KCTD8: variants seen among roughly 807,000 people sequenced by gnomAD.
KCTD8 encodes the protein potassium channel tetramerization domain containing 8.
KCTD8 carries 27 observed loss-of-function variants against 31.5 expected under a neutral mutation model. The ratio of observed to expected loss-of-function variants is 0.86; its 90% confidence interval spans 0.63 to 1.18. The LOEUF (loss-of-function observed/expected upper bound fraction) is 1.18. Among genes scored for constraint, KCTD8 ranks in the 50% most tolerant of loss-of-function variants. The probability of loss-of-function intolerance (pLI) is 0.00; values close to 1 mark genes in which losing one functional copy is unlikely to be tolerated. For missense variants in KCTD8, 658 were observed against 647.7 expected (o/e 1.02, Z -0.17); for synonymous variants, 290 against 280.0 (o/e 1.04, Z -0.36).
Position 44,175,099 on chromosome 4 carries a change from G to T in KCTD8, c.1113C>A (p.Asp371Glu). Reference protein sequence around the residue: ...DSHSEASTPQDNPSSAQQATA... With the variant: ...DSHSEASTPQENPSSAQQATA... ...TTGCCTGCTGGGCACTGGATGGGTT[G>T]TCCTGGGGAGTGCTTGCCTCTGAAT... is the stretch of plus-strand genomic sequence containing the variant. Residue 371 changes from aspartate (D) to glutamate (E), a missense_variant, in exon 2 of 2, where the codon GAC (aspartate) becomes GAA (glutamate). Coordinates refer to ENST00000360029, the MANE Select transcript of KCTD8 (RefSeq NM_198353.3). The T allele has an allele frequency of 1.2e-6, 2 of 1,614,064 alleles. No individual in the cohort carries two copies. Among genetic ancestry groups the T allele is most frequent in the Non-Finnish European group, 1.7e-6 (2 of 1,179,988 alleles).
At chr4:44,368,336 G>C (rs190658319) in intron 1 of KCTD8, among the ~76,000 whole-genome samples, 1 of 152,166 alleles carries the variant, frequency 6.6e-6, no homozygotes, top group Admixed American at 6.5e-5. Context: ...AGTGAGCCCA[G>C]ACTGCACCAT....
chr4:44,190,092 C>T (rs924773040), intron 1 of KCTD8, among the ~76,000 whole-genome samples: 4 of 152,178 alleles, frequency 2.6e-5, no homozygotes. Context: ...GAAATCCTTT[C>T]ATCTCTAATC....
intron 1 of KCTD8, among the ~76,000 whole-genome samples, chr4:44,221,933 G>T (rs1025577372): frequency 1.1e-4 from 16 of 152,090 alleles, no homozygotes; most frequent in Non-Finnish European, 1.3e-4. Context: ...TTGACACTCA[G>T]TATTAACCAT....
intron 1 of KCTD8, among the ~76,000 whole-genome samples, chr4:44,375,243 G>A (rs1389349409): frequency 6.6e-6 from 1 of 152,134 alleles, no homozygotes; most frequent in African/African-American, 2.4e-5. Flanking sequence ...CTGGGAGTGT[G>A]AGGTAAGAAA....
At chr4:44,353,176 T>C (rs1483571704) in intron 1 of KCTD8, among the ~76,000 whole-genome samples, 1 of 152,122 alleles carries the variant, frequency 6.6e-6, no homozygotes, top group Non-Finnish European at 1.5e-5. Flanking sequence ...AGGTTTTGTG[T>C]CTTCCAGAAT....
intron 1 of KCTD8, among the ~76,000 whole-genome samples, chr4:44,176,240 GT>G (rs1174538100): frequency 6.6e-6 from 1 of 152,204 alleles, no homozygotes; most frequent in Admixed American, 6.5e-5. Context: ...AGGCATCAGT[GT>G]TTTTAAACAA....
chr4:44,297,446 C>CT (rs1282235062), intron 1 of KCTD8, among the ~76,000 whole-genome samples: 1 of 151,832 alleles, frequency 6.6e-6, no homozygotes, highest in Admixed American at 6.6e-5. Flanking sequence ...CTTATGAGAT[C>CT]TTTTTTCTCT....
chr4:44,270,170 A>G (rs1031649489), intron 1 of KCTD8, among the ~76,000 whole-genome samples: 6 of 152,272 alleles, frequency 3.9e-5, no homozygotes, highest in Middle Eastern at 3.4e-3. Context: ...GACTGGATTA[A>G]GAAAATGTGG....
intron 1 of KCTD8, among the ~76,000 whole-genome samples, chr4:44,425,680 G>C (rs16856910): frequency 0.13 from 19,965 of 151,854 alleles, 2,644 homozygotes; most frequent in African/African-American, 0.33. Context: ...GCACAAGATG[G>C]GTGAATACTG....
intron 1 of KCTD8, among the ~76,000 whole-genome samples, chr4:44,243,151 CAGAA>C (rs1359088023): frequency 6.6e-6 from 1 of 152,036 alleles, no homozygotes; most frequent in Non-Finnish European, 1.5e-5. Context: ...TGATGAAAGA[CAGAA>C]AGGAATAATT....
At position 44,448,660 on chromosome 4, in the gene KCTD8, C is replaced by A; in HGVS notation, c.-137G>T. 4 of 971,430 alleles carry A rather than the reference C, an allele frequency of 4.1e-6. No homozygotes were observed. Among genetic ancestry groups the A allele is most frequent in the Non-Finnish European group, 5.4e-6 (4 of 745,346 alleles). The allele number at this position is 971,430 out of a possible 1,614,324, so 60.2% of individuals were successfully genotyped here. Reference sequence around the variant, plus strand: ...GCGCGTTCCTCCGACCGGGGCGGCCCCGCTCAGGGTTCGGGGCAGCGGCGG... The same window carrying A: ...GCGCGTTCCTCCGACCGGGGCGGCCACGCTCAGGGTTCGGGGCAGCGGCGG... On this transcript the variant is annotated 5_prime_UTR_variant, in exon 1 of 2. Transcript: ENST00000360029. This position sits in a 1 kb window ranked among gnomAD's most constrained non-coding sequence, Gnocchi z 4.1.
chr4:44,427,714 C>G (rs1485045040), intron 1 of KCTD8, among the ~76,000 whole-genome samples: 2 of 151,438 alleles, frequency 1.3e-5, no homozygotes, highest in Non-Finnish European at 3.0e-5. Flanking sequence ...CAAAATGAAA[C>G]AAAGTAGAGA....
intron 1 of KCTD8, among the ~76,000 whole-genome samples, chr4:44,187,276 A>G (rs1475216205): frequency 6.6e-6 from 1 of 152,204 alleles, no homozygotes; most frequent in Admixed American, 6.5e-5. Flanking sequence ...TTAGGTGTTC[A>G]TTTGTCCTCT....
At chr4:44,194,761 C>T (rs1216491898) in intron 1 of KCTD8, among the ~76,000 whole-genome samples, 1 of 77,602 alleles carries the variant, frequency 1.3e-5, no homozygotes, top group Admixed American at 1.2e-4. Flanking sequence ...CCCTCCCTCC[C>T]TCCCTCCCAC....
At chr4:44,195,856 A>C (rs1380273135) in intron 1 of KCTD8, among the ~76,000 whole-genome samples, 2 of 152,230 alleles carry the variant, frequency 1.3e-5, no homozygotes, top group Non-Finnish European at 2.9e-5. Context: ...GATGCTGGTT[A>C]ATTCTATTGG....
intron 1 of KCTD8, among the ~76,000 whole-genome samples, chr4:44,320,170 CAAAAAAAAA>C (rs35250421): frequency 4.1e-4 from 13 of 31,918 alleles, no homozygotes; most frequent in Admixed American, 8.9e-4. Context: ...GCCTCCATCT[CAAAAAAAAA>C]AAAAAAAAAA....
chr4:44,271,606 C>A (rs751497899), intron 1 of KCTD8, among the ~76,000 whole-genome samples: 16 of 152,090 alleles, frequency 1.1e-4, no homozygotes, highest in Non-Finnish European at 1.9e-4. Flanking sequence ...GGAATGAGGG[C>A]AAGGAACACC....
chr4:44,445,548 A>C (rs890419574), intron 1 of KCTD8, among the ~76,000 whole-genome samples: 1 of 152,164 alleles, frequency 6.6e-6, no homozygotes, highest in African/African-American at 2.4e-5. Context: ...AAATTAACTA[A>C]GTTTCCAGTT....
intron 1 of KCTD8, among the ~76,000 whole-genome samples, chr4:44,409,226 CAA>C (rs58417142): frequency 1.4e-5 from 2 of 146,626 alleles, no homozygotes; most frequent in Non-Finnish European, 1.5e-5. Flanking sequence ...TGTCAAAAGT[CAA>C]AAAAAAAAGA....
Sources: gnomAD v4.1 joint callset for allele counts (sites outside exome capture counted in the v4.1 genomes callset) on GRCh38, gnomAD v4.1.1 for gene constraint, Gnocchi (gnomAD v3.1) non-coding constraint, MANE v1.5 for transcripts, NCBI Gene and HGNC (gene_info 2026-07-23, HGNC 2026-07-21) for gene names.